PLEKHG4B: variants seen among roughly 807,000 people sequenced by gnomAD.
PLEKHG4B encodes pleckstrin homology and RhoGEF domain containing G4B.
Under a neutral mutation model 121.3 loss-of-function variants are expected in PLEKHG4B, and 111 were observed. The observed-to-expected ratio is 0.92, with a 90% CI of 0.78 to 1.07. The LOEUF is 1.07. PLEKHG4B is among the 50% of genes least tolerant of loss of function. The pLI, the probability that PLEKHG4B is intolerant of heterozygous loss-of-function variation, is 0.00. For synonymous variants in PLEKHG4B, 738 were observed against 725.0 expected (o/e 1.02, Z -0.29); for missense variants, 1,831 against 1,757.8 (o/e 1.04, Z -0.74).
intron 2 of PLEKHG4B, among the ~76,000 whole-genome samples, chr5:120,777 T>G (rs1734443433): frequency 6.6e-6 from 1 of 152,202 alleles, no homozygotes; most frequent in Non-Finnish European, 1.5e-5. Context: ...GGTACCAGAT[T>G]TTATCAGTTC....
chr5:103,764 A>G (rs938880563), intron 1 of PLEKHG4B, among the ~76,000 whole-genome samples: 3 of 152,186 alleles, frequency 2.0e-5, no homozygotes, highest in Non-Finnish European at 2.9e-5. Flanking sequence ...CTATACAACA[A>G]ATTATTAACT....
At chr5:110,335 AACACGT>A (rs1560900695) in intron 1 of PLEKHG4B, among the ~76,000 whole-genome samples, 1 of 146,540 alleles carries the variant, frequency 6.8e-6, no homozygotes, top group Non-Finnish European at 1.5e-5. Context: ...CACAGTCTGC[AACACGT>A]GCACACACCG....
intron 12 of PLEKHG4B, 72 bp from the exon 13 acceptor site, chr5:162,650 C>A (rs1736057045): frequency 1.7e-6 from 2 of 1,153,012 alleles, no homozygotes; most frequent in African/African-American, 1.6e-5. Flanking sequence ...ACCTGGGGAA[C>A]AGCAGGGCCT....
rs80230293 is a variant in PLEKHG4B at position 104,936 on chromosome 5, G to C, written c.46-8315G>C. ...TCCATGGTGGAGAAACACTGCACAG[G>C]GGGTGAGGGCTGTTCCAGTTCTGGT... On this transcript the variant is annotated intron_variant, in intron 1 of 19. Transcript: ENST00000637938. 4.1e-3 allele frequency among the ~76,000 whole-genome samples: 624 copies of C among 150,996 alleles called. 4 individuals carry two copies. The highest frequency in any genetic ancestry group is 0.014 in the African/African-American group (584 of 40,736).
chr5:163,216 C>T lies in PLEKHG4B; in HGVS notation c.3144C>T (p.Ala1048=), dbSNP rs765540912. The T allele has an allele frequency of 1.3e-6, 2 of 1,598,184 alleles. No homozygotes were observed. Among genetic ancestry groups the T allele is most frequent in the Admixed American group, 3.4e-5 (2 of 58,814 alleles). The change falls in exon 13 of 20, where the codon GCC becomes GCT. Residue 1048 remains alanine (A), a synonymous_variant. Coordinates refer to ENST00000637938, the MANE Select transcript of PLEKHG4B (RefSeq NM_052909.5). ...SLLRGLPGAG[A]TTAHLEDSSA... ...TCAGGGGCCTTCCAGGGGCAGGGGC[C>T]ACCACGGCCCACCTGGAGGACAGCT...
rs1735814568 is a variant in PLEKHG4B, at chr5:157,224, TTC to T, written c.2487+316_2487+317del. ...TAGCTGGGTGTATCTTCCGGACGCT[TTC>T]TCCATGTGCATGCGTACACAGTGAC... On this transcript the variant is annotated intron_variant, in intron 11 of 19. Transcript: ENST00000637938. The surrounding 1 kb of genome is among the most constrained non-coding windows in gnomAD (Gnocchi z 4.6). 2.6e-6 allele frequency: 1 copy of T among 391,040 alleles called. No homozygotes were observed. Among genetic ancestry groups the T allele is most frequent in the Admixed American group, 3.6e-5 (1 of 27,478 alleles). 24.2% of individuals were successfully genotyped at this position (391,040 alleles called of 1,614,324 possible). A position where few individuals can be genotyped will look rare whatever the true frequency, so the allele number is the denominator to read the frequency against.
chr5:121,195 C>T (rs569103930), intron 2 of PLEKHG4B, among the ~76,000 whole-genome samples: 43 of 151,370 alleles, frequency 2.8e-4, no homozygotes, highest in African/African-American at 9.5e-4. Context: ...TGCAGTGAGC[C>T]GAGATCGTGC....
At position 140,570 on chromosome 5, in the gene PLEKHG4B, C is replaced by T. The variant is rs377528227; in HGVS notation, c.1331C>T (p.Pro444Leu). Residue 444 changes from proline to leucine, a missense_variant, in exon 3 of 20, where the codon CCC becomes CTC. By Grantham distance (98) the Pro-to-Leu change is moderately conservative. Transcript: ENST00000637938. ...AGATCTCGGTCCTGGGAAAGGGCAC[C>T]CAGAAGCTCCAGAGGGGCCCAGGCT... is the stretch of plus-strand genomic sequence containing the variant. ...PRRSRSWERA[P>L]RSSRGAQAAA... 5 of 1,608,146 alleles carry T rather than the reference C, an allele frequency of 3.1e-6. No individual in the cohort carries two copies. The highest frequency in any genetic ancestry group is 4.2e-6 in the Non-Finnish European group (5 of 1,177,974).
chr5:169,497 G>A lies in PLEKHG4B; in HGVS notation c.3634G>A (p.Glu1212Lys). 1 of 1,614,214 alleles carries A rather than the reference G, an allele frequency of 6.2e-7. No homozygotes were observed. The highest frequency in any genetic ancestry group is 1.3e-5 in the African/African-American group (1 of 75,076). Residue 1212 changes from glutamate to lysine, a missense_variant, in exon 14 of 20, where the codon GAG (glutamate) becomes AAG (lysine). Coordinates refer to ENST00000637938, the MANE Select transcript of PLEKHG4B (RefSeq NM_052909.5). ...GKHHVIFGNL[E>K]KLHDFHQQHF... ...GCACCACGTTATTTTCGGCAACTTG[G>A]AGAAGCTCCACGACTTCCACCAGCA...
intron 2 of PLEKHG4B, among the ~76,000 whole-genome samples, chr5:128,710 GTGT>G (rs1734692480): frequency 6.6e-6 from 1 of 152,204 alleles, no homozygotes; most frequent in Admixed American, 6.5e-5. Context: ...GCCAGTGCAG[GTGT>G]TGTCCAGATG....
chr5:139,046 A>T lies in PLEKHG4B; in HGVS notation c.244-437A>T, dbSNP rs1365334770. ...CCTGCAGCAGCCGGGAGCCACAGGG[A>T]GCACCGGGAGTGCAGAGGAGGGAGC... On this transcript the variant is annotated intron_variant, in intron 2 of 19. Coordinates refer to ENST00000637938, the MANE Select transcript of PLEKHG4B (RefSeq NM_052909.5). This position sits in a 1 kb window ranked among gnomAD's most constrained non-coding sequence, Gnocchi z 5.0. Among the ~76,000 whole-genome samples the T allele has an allele frequency of 2.0e-5, 3 of 152,194 alleles. No individual in the cohort carries two copies. The highest frequency in any genetic ancestry group is 2.9e-5 in the Non-Finnish European group (2 of 68,034).
At chr5:104,589 T>A (rs1733920695) in intron 1 of PLEKHG4B, among the ~76,000 whole-genome samples, 2 of 152,236 alleles carry the variant, frequency 1.3e-5, no homozygotes, top group African/African-American at 4.8e-5. Flanking sequence ...TGATTTTTTT[T>A]ACACAATTTT....
chr5:170,992 G>C (rs781262946), intron 14 of PLEKHG4B, 51 bp from the exon 15 acceptor site: 4 of 1,492,030 alleles, frequency 2.7e-6, no homozygotes, highest in African/African-American at 2.8e-5. Context: ...GGAGCCTGCT[G>C]TCTCTGGGCC....
intron 6 of PLEKHG4B, among the ~76,000 whole-genome samples, chr5:148,414 A>G (rs1187448752): frequency 1.3e-5 from 2 of 152,192 alleles, no homozygotes; most frequent in African/African-American, 4.8e-5. Context: ...ACACACAAAT[A>G]TCAGTCACAC....
intron 14 of PLEKHG4B, among the ~76,000 whole-genome samples, chr5:170,350 T>C (rs1235415467): frequency 1.3e-5 from 2 of 152,168 alleles, no homozygotes; most frequent in African/African-American, 4.8e-5. Context: ...TTGCCCAGAC[T>C]GGAGTGCAGT....
chr5:101,568 G>A (rs572235183), intron 1 of PLEKHG4B, among the ~76,000 whole-genome samples: 1 of 133,494 alleles, frequency 7.5e-6, no homozygotes, highest in Non-Finnish European at 1.5e-5. Context: ...AAAGTCTGTA[G>A]GGGAGAGACT....
rs1028782323 is a variant in PLEKHG4B at position 188,948 on chromosome 5, G to C, written c.*6625G>C. On this transcript the variant is annotated 3_prime_UTR_variant, in exon 20 of 20. Coordinates refer to ENST00000637938, the MANE Select transcript of PLEKHG4B (RefSeq NM_052909.5). Reference sequence around the variant, plus strand: ...GGTCCTAGGGAGAGGCCCGTGCGACGTGAGTAACAGCAGTTTTTCTTCTGA... The same window carrying C: ...GGTCCTAGGGAGAGGCCCGTGCGACCTGAGTAACAGCAGTTTTTCTTCTGA... 6.6e-6 allele frequency: 1 copy of C among 152,284 alleles called. No homozygotes were observed. The highest frequency in any genetic ancestry group is 1.5e-5 in the Non-Finnish European group (1 of 68,066). The allele number at this position is 152,284 out of a possible 1,614,324, so 9.4% of individuals were successfully genotyped here. A position where few individuals can be genotyped will look rare whatever the true frequency, so the allele number is the denominator to read the frequency against.
chr5:94,662 A>G (rs531032736), intron 1 of PLEKHG4B, among the ~76,000 whole-genome samples: 219 of 145,654 alleles, frequency 1.5e-3, no homozygotes, highest in Admixed American at 2.5e-3. Flanking sequence ...GGGAATCTGG[A>G]CTCTGGTAAG....
At chr5:147,623 A>G (rs142243772) in intron 6 of PLEKHG4B, among the ~76,000 whole-genome samples, 7 of 152,334 alleles carry the variant, frequency 4.6e-5, no homozygotes, top group African/African-American at 1.7e-4. Flanking sequence ...AACACAAGGT[A>G]GATACAGTGT....
Sources: allele counts gnomAD v4.1 joint callset (sites outside exome capture counted in the v4.1 genomes callset), GRCh38; gene constraint gnomAD v4.1.1; non-coding constraint Gnocchi (gnomAD v3.1); transcripts MANE v1.5; gene names NCBI Gene and HGNC (gene_info 2026-07-23, HGNC 2026-07-21).